KCNIP4: variants seen among roughly 807,000 people sequenced by gnomAD.
KCNIP4 encodes the protein Kv channel-interacting protein 4.
In KCNIP4, 12 loss-of-function variants were observed where a neutral mutation model predicts 34.0. The ratio of observed to expected loss-of-function variants is 0.35; its 90% confidence interval spans 0.23 to 0.57. The LOEUF (loss-of-function observed/expected upper bound fraction) is 0.57. Among genes scored for constraint, KCNIP4 ranks in the 20% least tolerant of loss-of-function variants. The pLI is 0.83. For synonymous variants in KCNIP4, 124 were observed against 102.2 expected, an observed-to-expected ratio of 1.21 and a Z score of -1.29; for missense variants, 238 against 311.7, an observed-to-expected ratio of 0.76 and a Z score of 1.78.
At chr4:21,606,840 C>A (rs1743725654) in intron 1 of KCNIP4, among the ~76,000 whole-genome samples, 1 of 152,072 alleles carries the variant, frequency 6.6e-6, no homozygotes, top group Non-Finnish European at 1.5e-5. Context: ...TTTTACTCTG[C>A]CTGCATTCTT....
chr4:21,192,935 T>TG, intron 1 of KCNIP4, among the ~76,000 whole-genome samples: 1 of 133,938 alleles, frequency 7.5e-6, no homozygotes, highest in East Asian at 2.1e-4. Flanking sequence ...CTACTACTAC[T>TG]ACTACTACTA....
At chr4:21,657,075 G>A (rs138152271) in intron 1 of KCNIP4, among the ~76,000 whole-genome samples, 2 of 152,124 alleles carry the variant, frequency 1.3e-5, no homozygotes. Context: ...GTCAATAAAT[G>A]TCAGCTAGTG....
intron 1 of KCNIP4, among the ~76,000 whole-genome samples, chr4:21,427,150 G>C (rs576159380): frequency 5.3e-5 from 8 of 152,080 alleles, no homozygotes; most frequent in Non-Finnish European, 1.0e-4. Flanking sequence ...CCTCAGTACA[G>C]TGATGTTATG....
chr4:21,704,512 T>C (rs1312465016), intron 1 of KCNIP4, among the ~76,000 whole-genome samples: 1 of 152,118 alleles, frequency 6.6e-6, no homozygotes, highest in Non-Finnish European at 1.5e-5. Context: ...TATTCAACAA[T>C]AGTGAAGCAC....
In KCNIP4 at chr4:21,604,137, T is replaced by A. The variant is rs1743443134; in HGVS notation, c.61+344434A>T. 3.9e-5 allele frequency among the ~76,000 whole-genome samples: 6 copies of A among 152,244 alleles called. No homozygotes were observed. The South Asian group carries it at 1.0e-3, about 26-fold the overall frequency. ...TACCTCAAAATGAAGTAAAATATAT[T>A]AATTTTTGAATAATATACCTTCTAT... On this transcript the variant is annotated intron_variant, in intron 1 of 8. Transcript: ENST00000382152.
intron 1 of KCNIP4, among the ~76,000 whole-genome samples, chr4:21,722,154 T>C (rs2109096940): frequency 6.6e-6 from 1 of 152,328 alleles, no homozygotes; most frequent in East Asian, 1.9e-4. Context: ...AACTATTTTA[T>C]GGAAAGCCAT....
At chr4:21,683,001 G>T (rs144930742) in intron 1 of KCNIP4, among the ~76,000 whole-genome samples, 1 of 152,140 alleles carries the variant, frequency 6.6e-6, no homozygotes, top group Non-Finnish European at 1.5e-5. Flanking sequence ...GAAGAATGGC[G>T]CTGATAGTAT....
chr4:20,759,837 C>G (rs1250310708), intron 3 of KCNIP4, among the ~76,000 whole-genome samples: 1 of 151,922 alleles, frequency 6.6e-6, no homozygotes, highest in Non-Finnish European at 1.5e-5. Context: ...ACATGATAGC[C>G]CAGAATTGAA....
chr4:21,539,212 AACTAATAC>A (rs1193732684), intron 1 of KCNIP4, among the ~76,000 whole-genome samples: 1 of 152,170 alleles, frequency 6.6e-6, no homozygotes, highest in Non-Finnish European at 1.5e-5. Context: ...TGTGAAAATG[AACTAATAC>A]ACTCTCAAAA....
At chr4:21,854,769 C>G (rs984667799) in intron 1 of KCNIP4, among the ~76,000 whole-genome samples, 1 of 152,204 alleles carries the variant, frequency 6.6e-6, no homozygotes, top group African/African-American at 2.4e-5. Flanking sequence ...TTTCCAACAA[C>G]TGGACATGGC....
chr4:21,455,824 TA>T (rs1560422850), intron 1 of KCNIP4, among the ~76,000 whole-genome samples: 1 of 64,632 alleles, frequency 1.5e-5, no homozygotes, highest in African/African-American at 5.8e-5. Context: ...TATATATATA[TA>T]TATATATATA....
intron 1 of KCNIP4, among the ~76,000 whole-genome samples, chr4:21,032,849 T>C (rs1390617110): frequency 6.6e-6 from 1 of 152,074 alleles, no homozygotes; most frequent in African/African-American, 2.4e-5. Context: ...TCACCAATGA[T>C]GCTGTTCAGA....
At chr4:20,838,215 A>G (rs977360238) in intron 3 of KCNIP4, among the ~76,000 whole-genome samples, 1 of 152,164 alleles carries the variant, frequency 6.6e-6, no homozygotes, top group Non-Finnish European at 1.5e-5. Context: ...AAGGAAGTAG[A>G]AAATCTCAAA....
intron 1 of KCNIP4, among the ~76,000 whole-genome samples, chr4:21,443,649 C>T (rs1353336890): frequency 2.0e-5 from 3 of 152,076 alleles, no homozygotes; most frequent in Non-Finnish European, 4.4e-5. Context: ...AATTTGGACT[C>T]AAGATTGAAC....
chr4:21,649,934 C>A lies in KCNIP4; in HGVS notation c.61+298637G>T, dbSNP rs117484079. On this transcript the variant is annotated intron_variant, in intron 1 of 8. Coordinates refer to ENST00000382152, the MANE Select transcript of KCNIP4 (RefSeq NM_025221.6). Reference sequence around the variant, plus strand: ...TTTTATCACAGGCAGGTGGCTTATTCCAACTTTGCAAACAGTTACCAAAAA... The same window carrying A: ...TTTTATCACAGGCAGGTGGCTTATTACAACTTTGCAAACAGTTACCAAAAA... Among the ~76,000 whole-genome samples the A allele has an allele frequency of 1.3e-4, 20 of 152,302 alleles. No homozygotes were observed. In the East Asian group the frequency reaches 3.5e-3, roughly 27 times the overall value.
chr4:21,293,949 C>T (rs1763692345), intron 1 of KCNIP4, among the ~76,000 whole-genome samples: 1 of 152,114 alleles, frequency 6.6e-6, no homozygotes, highest in Admixed American at 6.6e-5. Context: ...AGCCTTTGTT[C>T]TCCAGGTGGG....
chr4:21,623,511 GT>G (rs1280808187), intron 1 of KCNIP4, among the ~76,000 whole-genome samples: 2 of 152,120 alleles, frequency 1.3e-5, no homozygotes, highest in African/African-American at 4.8e-5. Flanking sequence ...CTCATTCACA[GT>G]TTTTTAGCTT....
chr4:20,856,922 T>A (rs1473005387), intron 2 of KCNIP4, among the ~76,000 whole-genome samples: 2 of 152,012 alleles, frequency 1.3e-5, no homozygotes, highest in Non-Finnish European at 1.5e-5. Context: ...CGGGCAGCAA[T>A]CTGAGCTGTG....
At chr4:20,897,512 T>G (rs1286499691) in intron 1 of KCNIP4, among the ~76,000 whole-genome samples, 1 of 145,738 alleles carries the variant, frequency 6.9e-6, no homozygotes, top group Non-Finnish European at 1.5e-5. Context: ...TGCCCCTCCC[T>G]CCCCCCGCCA....
Sources: gnomAD v4.1 joint callset for allele counts (sites outside exome capture counted in the v4.1 genomes callset) on GRCh38, gnomAD v4.1.1 for gene constraint, MANE v1.5 for transcripts, NCBI Gene and HGNC (gene_info 2026-07-23, HGNC 2026-07-21) for gene names.